Variants in CERT1 observed in about 807,000 individuals in gnomAD.
The protein encoded by CERT1 is ceramide transporter 1, also known as ceramide transfer protein.
Under a neutral mutation model 87.9 loss-of-function variants are expected in CERT1, and 31 were observed. The ratio of observed to expected loss-of-function variants is 0.35; its 90% CI spans 0.27 to 0.48. The LOEUF (loss-of-function observed/expected upper bound fraction) is 0.48. Ranked by LOEUF, CERT1 falls within the 20% of genes least tolerant of loss-of-function variation. The pLI, the probability that CERT1 is intolerant of heterozygous loss-of-function variation, is 0.99. For synonymous variants in CERT1, 289 were observed against 250.9 expected, an observed-to-expected ratio of 1.15 and a Z score of -1.44; for missense variants, 487 against 758.0, an observed-to-expected ratio of 0.64 and a Z score of 4.20.
At chr5:75,461,732 A>C (rs2112321197) in intron 2 of CERT1, among the ~76,000 whole-genome samples, 1 of 151,822 alleles carries the variant, frequency 6.6e-6, no homozygotes, top group East Asian at 1.9e-4. Flanking sequence ...TATGATCTGG[A>C]GCATAGGTGG....
At chr5:75,509,145 C>T (rs1370532930) in intron 1 of CERT1, among the ~76,000 whole-genome samples, 17 of 152,060 alleles carry the variant, frequency 1.1e-4, no homozygotes. Context: ...TTACCCAAGC[C>T]CATTCCAAAT....
chr5:75,413,991 C>T (rs989870883), intron 7 of CERT1, among the ~76,000 whole-genome samples: 7 of 151,920 alleles, frequency 4.6e-5, no homozygotes, highest in African/African-American at 1.7e-4. Context: ...TAAATGTCCA[C>T]CAACAGGAAA....
intron 11 of CERT1, among the ~76,000 whole-genome samples, chr5:75,394,981 C>A (rs1054927515): frequency 2.0e-5 from 3 of 152,060 alleles, no homozygotes; most frequent in African/African-American, 7.2e-5. Context: ...CTTTCAAGTT[C>A]TGTTAAAATT....
chr5:75,495,136 A>G (rs1251999435), intron 2 of CERT1, among the ~76,000 whole-genome samples: 1 of 152,210 alleles, frequency 6.6e-6, no homozygotes, highest in African/African-American at 2.4e-5. Context: ...ATCTTTTTCA[A>G]GTGATGAATC....
At chr5:75,417,308 G>A (rs962589601) in intron 6 of CERT1, among the ~76,000 whole-genome samples, 1 of 151,976 alleles carries the variant, frequency 6.6e-6, no homozygotes, top group African/African-American at 2.4e-5. Context: ...GGTAGGAGGA[G>A]CAATACTTTA....
At chr5:75,504,903 T>A (rs1362158014) in intron 2 of CERT1, among the ~76,000 whole-genome samples, 1 of 152,216 alleles carries the variant, frequency 6.6e-6, no homozygotes, top group Non-Finnish European at 1.5e-5. Context: ...CCAGTTTACT[T>A]GTTATAGTTC....
rs946939109 is a variant in CERT1 at position 75,511,514 on chromosome 5, C to T, written c.-307G>A. ...CACCCGAACTTAGCCCCCTCGATGC[C>T]AATTTCAAATAGGGAAGGAAAAGGG... On this transcript the variant is annotated 5_prime_UTR_variant, in exon 1 of 17. Transcript: ENST00000643780. 5 of 1,473,414 alleles carry T rather than the reference C, an allele frequency of 3.4e-6. No individual in the cohort carries two copies. Among genetic ancestry groups the T allele is most frequent in the Non-Finnish European group, 4.5e-6 (5 of 1,113,890 alleles). 91.3% of individuals were successfully genotyped at this position (1,473,414 alleles called of 1,614,324 possible).
At chr5:75,477,149 C>T (rs1765991058) in intron 2 of CERT1, among the ~76,000 whole-genome samples, 1 of 152,138 alleles carries the variant, frequency 6.6e-6, no homozygotes, top group Admixed American at 6.6e-5. Context: ...TTATTTTCCC[C>T]CCTTTAAAAC....
chr5:75,508,583 C>G (rs1767768706), intron 1 of CERT1, among the ~76,000 whole-genome samples: 1 of 152,078 alleles, frequency 6.6e-6, no homozygotes, highest in African/African-American at 2.4e-5. Flanking sequence ...CTCACTCTTC[C>G]CCATTTAACA....
intron 2 of CERT1, among the ~76,000 whole-genome samples, chr5:75,491,836 C>T (rs1284104728): frequency 6.6e-6 from 1 of 152,174 alleles, no homozygotes; most frequent in Non-Finnish European, 1.5e-5. Flanking sequence ...AGCCTACCAC[C>T]TACCACTGTC....
At chr5:75,447,458 ATTTAT>A (rs963041027) in intron 3 of CERT1, among the ~76,000 whole-genome samples, 3 of 150,668 alleles carry the variant, frequency 2.0e-5, no homozygotes, top group African/African-American at 7.3e-5. Context: ...TTATTTATTT[ATTTAT>A]TTATTTATTT....
At chr5:75,429,197 A>ATT (rs1561256293) in intron 3 of CERT1, among the ~76,000 whole-genome samples, 81 of 146,712 alleles carry the variant, frequency 5.5e-4, no homozygotes, top group Middle Eastern at 3.6e-3. Context: ...TAATAATAAT[A>ATT]ATTATTATTA....
In CERT1 at chr5:75,390,134, TAGAG is replaced by T. The variant is rs576029785; in HGVS notation, c.1189-451_1189-448del. ...GGAAGGTCTGGTATGAACAAAGACA[TAGAG>T]AGAGAGAGCATATCTTTGCCTATAT... On this transcript the variant is annotated intron_variant, in intron 11 of 16. Transcript: ENST00000643780. Among the ~76,000 whole-genome samples the T allele has an allele frequency of 8.6e-5, 13 of 151,864 alleles. No homozygotes were observed. In the East Asian group the frequency reaches 1.7e-3, roughly 20 times the overall value.
intron 1 of CERT1, among the ~76,000 whole-genome samples, chr5:75,509,568 T>A (rs1040152407): frequency 6.6e-6 from 1 of 152,214 alleles, no homozygotes; most frequent in Non-Finnish European, 1.5e-5. Context: ...TCCATTTTTT[T>A]ATCTATAGTA....
In CERT1 at chr5:75,379,462, C is replaced by T. The variant is rs1761467941; in HGVS notation, c.1759G>A (p.Gly587Arg). Reference sequence around the variant, plus strand: ...CTTAACACTGAGGCTGGTGCCCATCCTCCAGGGTTCACTGCAAGATAAAGG... The same window carrying T: ...CTTAACACTGAGGCTGGTGCCCATCTTCCAGGGTTCACTGCAAGATAAAGG... ...ITYVANVNPG[G>R]WAPASVLRAV... The change falls in exon 17 of 17, where the codon GGA becomes AGA. Residue 587 changes from glycine (G) to arginine (R), a missense_variant. Gly to Arg is a moderately radical substitution (Grantham distance 125, BLOSUM62 -2). Coordinates refer to ENST00000643780, the MANE Select transcript of CERT1 (RefSeq NM_001379029.1). 1.2e-6 allele frequency: 2 copies of T among 1,612,920 alleles called. No homozygotes were observed. The highest frequency in any genetic ancestry group is 1.7e-6 in the Non-Finnish European group (2 of 1,179,676).
At chr5:75,486,397 A>C (rs1390364609) in intron 2 of CERT1, among the ~76,000 whole-genome samples, 1 of 152,148 alleles carries the variant, frequency 6.6e-6, no homozygotes. Flanking sequence ...ATCATAATAA[A>C]TGGAACAAAA....
intron 11 of CERT1, among the ~76,000 whole-genome samples, chr5:75,392,680 A>G (rs1762073979): frequency 6.6e-6 from 1 of 152,154 alleles, no homozygotes; most frequent in African/African-American, 2.4e-5. Flanking sequence ...TATTAAAAAG[A>G]AGTGGGAGGC....
intron 3 of CERT1, among the ~76,000 whole-genome samples, chr5:75,454,825 T>A (rs1190788100): frequency 6.6e-6 from 1 of 152,228 alleles, no homozygotes; most frequent in African/African-American, 2.4e-5. Flanking sequence ...GTGAAAATTT[T>A]AAAAATCGCA....
At chr5:75,450,768 A>G (rs569948390) in intron 3 of CERT1, among the ~76,000 whole-genome samples, 60 of 152,312 alleles carry the variant, frequency 3.9e-4, no homozygotes, top group African/African-American at 1.4e-3. Flanking sequence ...AAAATATTTG[A>G]ATCCACCAAT....
Sources: allele counts gnomAD v4.1 joint callset (sites outside exome capture counted in the v4.1 genomes callset), GRCh38; gene constraint gnomAD v4.1.1; transcripts MANE v1.5; gene names NCBI Gene and HGNC (gene_info 2026-07-23, HGNC 2026-07-21).